Variants in MPP4 observed in about 807,000 individuals in gnomAD.
The protein encoded by MPP4 is MAGUK p55 subfamily member 4.
Under a neutral mutation model 98.3 loss-of-function variants are expected in MPP4, and 91 were observed. That is an observed-to-expected ratio of 0.93 (90% CI 0.78 to 1.10). MPP4 has a LOEUF of 1.10. Among genes scored for constraint, MPP4 ranks in the 50% least tolerant of loss-of-function variants. The pLI is 0.00. For missense variants in MPP4, 744 were observed against 792.9 expected (o/e 0.94, Z 0.74); for synonymous variants, 261 against 271.8 (o/e 0.96, Z 0.39).
rs1281037965 is a variant in MPP4 at position 201,694,070 on chromosome 2, A to T, written c.-100-16T>A. On this transcript the variant is annotated splice_polypyrimidine_tract_variant and intron_variant, in intron 1 of 21. Transcript: ENST00000409474. ...TCTCAGCACACTGGAATATATTTTC[A>T]ATAGCATTTCCTCAGCAAGCCAGGC... The T allele has an allele frequency of 6.3e-7, 1 of 1,598,016 alleles. No homozygotes were observed. Among genetic ancestry groups the T allele is most frequent in the Non-Finnish European group, 8.5e-7 (1 of 1,172,080 alleles).
intron 19 of MPP4, 101 bp from the exon 20 acceptor site, chr2:201,649,785 G>A: frequency 1.3e-6 from 1 of 785,926 alleles, no homozygotes; most frequent in South Asian, 1.6e-5. Context: ...ATAAATATGT[G>A]GACTTTATTA....
At chr2:201,695,275 G>C (rs974826505) in intron 1 of MPP4, among the ~76,000 whole-genome samples, 3 of 152,154 alleles carry the variant, frequency 2.0e-5, no homozygotes, top group Admixed American at 2.0e-4. Context: ...GGGAGGAAGG[G>C]ATTAAGAAAA....
chr2:201,670,588 T>A (rs1339909833), intron 11 of MPP4, among the ~76,000 whole-genome samples: 1 of 152,156 alleles, frequency 6.6e-6, no homozygotes, highest in Admixed American at 6.5e-5. Flanking sequence ...AAACCAGAAG[T>A]TATACTACAG....
intron 13 of MPP4, chr2:201,665,063 C>CTTTTTTT (rs397868302): frequency 1.8e-5 from 2 of 112,976 alleles, no homozygotes; most frequent in African/African-American, 3.3e-5. Context: ...TACATCATTG[C>CTTTTTTT]TTTTTTTTTT....
intron 20 of MPP4, 51 bp downstream of exon 20, chr2:201,649,525 G>T: frequency 2.3e-6 from 3 of 1,330,142 alleles, no homozygotes; most frequent in African/African-American, 1.4e-5. Context: ...ACAAAAAATG[G>T]ATGATACGCA....
In MPP4 at chr2:201,687,333, C is replaced by T; in HGVS notation, c.318G>A (p.Glu106=). 1.3e-6 allele frequency: 2 copies of T among 1,585,362 alleles called. No homozygotes were observed. Among genetic ancestry groups the T allele is most frequent in the Non-Finnish European group, 1.7e-6 (2 of 1,164,068 alleles). The change falls in exon 5 of 22, where the codon GAG becomes GAA. Residue 106 remains glutamate (E), a synonymous_variant. Coordinates refer to ENST00000409474, the MANE Select transcript of MPP4 (RefSeq NM_033066.3). ...ELLRETPTSP[E]IQELRQMLQA... Reference sequence around the variant, plus strand: ...GGAGCATTTGTCTCAGCTCTTGGATCTCAGGGGAAGTAGGGGTTTCACGTA... The same window carrying T: ...GGAGCATTTGTCTCAGCTCTTGGATTTCAGGGGAAGTAGGGGTTTCACGTA...
intron 1 of MPP4, 136 bp from the exon 2 acceptor site, chr2:201,694,190 G>A (rs878945333): frequency 5.9e-5 from 46 of 779,648 alleles, no homozygotes; most frequent in South Asian, 1.6e-4. Context: ...AAGAGAAAAC[G>A]ACTATTGCAT....
At chr2:201,672,450 G>A (rs917539099) in intron 11 of MPP4, among the ~76,000 whole-genome samples, 3 of 152,062 alleles carry the variant, frequency 2.0e-5, no homozygotes, top group Non-Finnish European at 4.4e-5. Context: ...AAAAATCAAT[G>A]AATTCAGGAG....
intron 14 of MPP4, among the ~76,000 whole-genome samples, chr2:201,662,278 C>T (rs1259541626): frequency 1.3e-5 from 2 of 149,476 alleles, no homozygotes; most frequent in East Asian, 2.0e-4. Context: ...ACAAGGCAGA[C>T]GGATCACTTG....
Position 201,685,046 on chromosome 2 carries a change from C to T in MPP4, c.574+18G>A. ...CCTGTTTTTCTGGTAACTCTCAATC[C>T]CAGCTGCTCCAGCTTACCACTTCTC... On this transcript the variant is annotated intron_variant, in intron 7 of 21. Coordinates refer to ENST00000409474, the MANE Select transcript of MPP4 (RefSeq NM_033066.3). 1 of 1,606,684 alleles carries T rather than the reference C, an allele frequency of 6.2e-7. No individual in the cohort carries two copies. Among genetic ancestry groups the T allele is most frequent in the Non-Finnish European group, 8.5e-7 (1 of 1,176,454 alleles).
intron 8 of MPP4, 97 bp downstream of exon 8, chr2:201,682,734 C>T (rs1274430389): frequency 3.9e-6 from 4 of 1,017,100 alleles, no homozygotes; most frequent in Middle Eastern, 2.1e-4. Context: ...AACTTGAGTC[C>T]CCGGTACATC....
intron 21 of MPP4, 50 bp from the exon 22 acceptor site, chr2:201,645,454 T>A: frequency 2.1e-6 from 3 of 1,455,632 alleles, no homozygotes; most frequent in Admixed American, 4.0e-5. Context: ...ATTGGACAAA[T>A]GGAAAAAATA....
intron 4 of MPP4, among the ~76,000 whole-genome samples, chr2:201,687,801 G>C (rs753857627): frequency 6.6e-6 from 1 of 152,196 alleles, no homozygotes; most frequent in Non-Finnish European, 1.5e-5. Context: ...AATCCCATGG[G>C]ATGCTCCATT....
At chr2:201,664,037 A>C in intron 14 of MPP4, 44 bp downstream of exon 14, 1 of 1,378,240 alleles carries the variant, frequency 7.3e-7, no homozygotes. Context: ...AAAATTTAGA[A>C]TATACATTTA....
At chr2:201,648,865 A>C (rs1350164389) in intron 20 of MPP4, among the ~76,000 whole-genome samples, 1 of 152,106 alleles carries the variant, frequency 6.6e-6, no homozygotes, top group Non-Finnish European at 1.5e-5. Flanking sequence ...CCATTGCCAG[A>C]CCAGCCTGGC....
At chr2:201,688,219 G>T (rs747954153) in intron 4 of MPP4, among the ~76,000 whole-genome samples, 1 of 152,058 alleles carries the variant, frequency 6.6e-6, no homozygotes, top group Admixed American at 6.6e-5. Flanking sequence ...TCATTCATTC[G>T]ACAAATATTT....
chr2:201,686,540 G>C (rs1421704099), intron 5 of MPP4, among the ~76,000 whole-genome samples: 1 of 152,146 alleles, frequency 6.6e-6, no homozygotes, highest in Non-Finnish European at 1.5e-5. Flanking sequence ...TTTGATCATA[G>C]GGTATGATCA....
chr2:201,669,462 G>A (rs1688277216), intron 12 of MPP4, among the ~76,000 whole-genome samples: 1 of 152,186 alleles, frequency 6.6e-6, no homozygotes, highest in Admixed American at 6.5e-5. Flanking sequence ...CTCTGGAGCT[G>A]CATATAAATG....
At chr2:201,656,771 T>C (rs1393678443) in intron 16 of MPP4, among the ~76,000 whole-genome samples, 1 of 152,086 alleles carries the variant, frequency 6.6e-6, no homozygotes, top group Non-Finnish European at 1.5e-5. Flanking sequence ...CTCTGAAAGG[T>C]TGGCGTTGAG....
Sources: allele counts gnomAD v4.1 joint callset (sites outside exome capture counted in the v4.1 genomes callset), GRCh38; gene constraint gnomAD v4.1.1; transcripts MANE v1.5; gene names NCBI Gene and HGNC (gene_info 2026-07-23, HGNC 2026-07-21).